The following TBC1D15 variants were observed in gnomAD, a reference collection of about 807,000 sequenced individuals.
TBC1D15 encodes TBC1 domain family member 15, also known as GAP for RAB7.
TBC1D15 carries 39 observed loss-of-function variants against 95.4 expected under a neutral mutation model. That is an observed-to-expected ratio of 0.41 (90% CI 0.32 to 0.53). TBC1D15 has a LOEUF of 0.53. Ranked by LOEUF, TBC1D15 falls within the 20% of genes least tolerant of loss-of-function variation. TBC1D15 has a pLI of 0.29. For missense variants in TBC1D15, 733 were observed against 794.3 expected, an observed-to-expected ratio of 0.92 and a Z score of 0.93; for synonymous variants, 258 against 261.3, an observed-to-expected ratio of 0.99 and a Z score of 0.12.
intron 11 of TBC1D15, among the ~76,000 whole-genome samples, chr12:71,910,969 AAC>A (rs1264643559): frequency 2.0e-5 from 3 of 152,214 alleles, no homozygotes; most frequent in Admixed American, 2.0e-4. Context: ...GAAGGACATG[AAC>A]AGACACTTCT....
At chr12:71,902,628 G>A (rs1211666271) in intron 10 of TBC1D15, among the ~76,000 whole-genome samples, 1 of 152,000 alleles carries the variant, frequency 6.6e-6, no homozygotes, top group African/African-American at 2.4e-5. Context: ...AAAGACCCTA[G>A]AAGAAAATCT....
intron 1 of TBC1D15, among the ~76,000 whole-genome samples, chr12:71,842,850 GAAAAGA>G (rs1390376573): frequency 5.7e-5 from 8 of 140,632 alleles, no homozygotes; most frequent in Admixed American, 1.4e-4. Context: ...AAAAAAAAAA[GAAAAGA>G]AAAAGAAAAT....
In TBC1D15 at chr12:71,919,200, G is replaced by A. The variant is rs1592837591; in HGVS notation, c.1599+652G>A. Reference sequence around the variant, plus strand: ...GTATTTGCTAATAATAAATCAGTGTGCTTTTTTTTTTTTTTTTTTTAAAGA... The same window carrying A: ...GTATTTGCTAATAATAAATCAGTGTACTTTTTTTTTTTTTTTTTTTAAAGA... On this transcript the variant is annotated intron_variant, in intron 14 of 16. Transcript: ENST00000485960. Among the ~76,000 whole-genome samples the A allele has an allele frequency of 2.9e-5, 3 of 102,446 alleles. 1 individual carries two copies. The Admixed American group carries it at 3.9e-4, about 13-fold the overall frequency. The allele number at this position is 102,446 out of a possible 152,430, so 67.2% of individuals were successfully genotyped here.
At chr12:71,868,264 G>T (rs889197934) in intron 1 of TBC1D15, among the ~76,000 whole-genome samples, 3 of 135,788 alleles carry the variant, frequency 2.2e-5, no homozygotes, top group Non-Finnish European at 4.6e-5. Flanking sequence ...TTTTTTTCTC[G>T]AGACGGAGTC....
At chr12:71,922,905 CTT>C in intron 16 of TBC1D15, 76 bp from the exon 17 acceptor site, 1 of 1,335,588 alleles carries the variant, frequency 7.5e-7, no homozygotes, top group South Asian at 1.3e-5. Flanking sequence ...TCAATGTAGT[CTT>C]AAACAGAAGT....
At chr12:71,840,245 C>T (rs905924223) in intron 1 of TBC1D15, among the ~76,000 whole-genome samples, 2 of 152,176 alleles carry the variant, frequency 1.3e-5, no homozygotes, top group Non-Finnish European at 2.9e-5. Context: ...GATGTTTATG[C>T]TTCCTTCGGG....
At position 71,891,015 on chromosome 12, in the gene TBC1D15, G is replaced by GT. The variant is rs535943167; in HGVS notation, c.555-2206dup. On this transcript the variant is annotated intron_variant, in intron 5 of 16. Transcript: ENST00000485960. ...ATTCCCTTAAAAAGCCAAATTTGTT[G>GT]TATCATCAAACAGCACCAACCATTT... Among the ~76,000 whole-genome samples the GT allele has an allele frequency of 8.5e-5, 13 of 152,190 alleles. No individual in the cohort carries two copies. In the East Asian group the frequency reaches 2.5e-3, roughly 29 times the overall value.
intron 11 of TBC1D15, chr12:71,908,116 A>T (rs1377228025): frequency 1.3e-5 from 2 of 152,436 alleles, no homozygotes. Flanking sequence ...GGTTGCAGTG[A>T]AACGAGATCA....
At chr12:71,847,251 G>A (rs1483263092) in intron 1 of TBC1D15, among the ~76,000 whole-genome samples, 1 of 151,666 alleles carries the variant, frequency 6.6e-6, no homozygotes, top group Non-Finnish European at 1.5e-5. Flanking sequence ...AGCATTTTTT[G>A]GTCACTATAA....
At chr12:71,873,405 T>C (rs551356547) in intron 3 of TBC1D15, among the ~76,000 whole-genome samples, 1 of 152,358 alleles carries the variant, frequency 6.6e-6, no homozygotes, top group African/African-American at 2.4e-5. Flanking sequence ...TCCTTTTGTT[T>C]TTGATGAATA....
At chr12:71,921,337 G>T in intron 15 of TBC1D15, 31 bp from the exon 16 acceptor site, 2 of 1,300,940 alleles carry the variant, frequency 1.5e-6, no homozygotes, top group South Asian at 3.0e-5. Flanking sequence ...ATTCAGTTTC[G>T]ATATCATTTT....
At chr12:71,884,456 T>C (rs1895830599) in intron 4 of TBC1D15, among the ~76,000 whole-genome samples, 1 of 152,096 alleles carries the variant, frequency 6.6e-6, no homozygotes, top group South Asian at 2.1e-4. Flanking sequence ...TAACTGAGGC[T>C]CAGAGAAATT....
chr12:71,911,627 G>T (rs191876250), intron 11 of TBC1D15, among the ~76,000 whole-genome samples: 1 of 111,846 alleles, frequency 8.9e-6, no homozygotes, highest in Non-Finnish European at 1.7e-5. Flanking sequence ...CTGTTGTGGG[G>T]TGGGGGGAGG....
chr12:71,903,636 G>C (rs1462257938), intron 10 of TBC1D15, among the ~76,000 whole-genome samples: 1 of 152,102 alleles, frequency 6.6e-6, no homozygotes, highest in Non-Finnish European at 1.5e-5. Context: ...CATCAGTGGT[G>C]GACTGGATAA....
At chr12:71,854,199 C>T (rs553297167) in intron 1 of TBC1D15, among the ~76,000 whole-genome samples, 5 of 152,262 alleles carry the variant, frequency 3.3e-5, no homozygotes, top group Admixed American at 6.5e-5. Flanking sequence ...TAGTCACTAT[C>T]CTTCATTGTT....
rs1015077040 is a variant in TBC1D15, at chr12:71,920,758, A to G, written c.1627A>G (p.Asn543Asp). 2 of 1,612,736 alleles carry G rather than the reference A, an allele frequency of 1.2e-6. No individual in the cohort carries two copies. The highest frequency in any genetic ancestry group is 1.7e-6 in the Non-Finnish European group (2 of 1,179,502). ...AATGTGGACCGAACTACCATGTACAAATTTCCATCTTCTTCTCTGTTGTGC... is the reference window on the plus strand; with the variant it reads ...AATGTGGACCGAACTACCATGTACAGATTTCCATCTTCTTCTCTGTTGTGC... ...EVMWTELPCTNFHLLLCCAIL... is the reference protein window; with the variant it reads ...EVMWTELPCTDFHLLLCCAIL... The change falls in exon 15 of 17, where the codon AAT (asparagine) becomes GAT (aspartate). Residue 543 changes from asparagine to aspartate, a missense_variant. Asn to Asp is a conservative substitution (Grantham distance 23, BLOSUM62 1). Transcript: ENST00000485960.
intron 1 of TBC1D15, among the ~76,000 whole-genome samples, chr12:71,855,042 T>A (rs1263151316): frequency 6.6e-6 from 1 of 152,112 alleles, no homozygotes; most frequent in Non-Finnish European, 1.5e-5. Context: ...TGACTCACGG[T>A]TTCGCATGGC....
At chr12:71,846,096 A>G (rs1234053951) in intron 1 of TBC1D15, among the ~76,000 whole-genome samples, 2 of 152,188 alleles carry the variant, frequency 1.3e-5, no homozygotes, top group African/African-American at 4.8e-5. Flanking sequence ...CTTTTTAATT[A>G]AAACTTTTGC....
intron 10 of TBC1D15, among the ~76,000 whole-genome samples, chr12:71,902,601 G>A (rs374135551): frequency 6.6e-6 from 1 of 152,154 alleles, no homozygotes; most frequent in East Asian, 1.9e-4. Context: ...AAACTTAAAT[G>A]TAAAACCTGA....
Sources: allele counts gnomAD v4.1 joint callset (sites outside exome capture counted in the v4.1 genomes callset), GRCh38; gene constraint gnomAD v4.1.1; transcripts MANE v1.5; gene names NCBI Gene and HGNC (gene_info 2026-07-23, HGNC 2026-07-21).